Variants in TNFRSF19 observed in about 807,000 individuals in gnomAD.
TNFRSF19 encodes TNF receptor superfamily member 19, also known as tumor necrosis factor receptor superfamily member 19.
Under a neutral mutation model 46.4 loss-of-function variants are expected in TNFRSF19, and 27 were observed. The observed-to-expected ratio is 0.58, with a 90% CI of 0.43 to 0.80. TNFRSF19 has a LOEUF of 0.80. Among genes scored for constraint, TNFRSF19 ranks in the 30% least tolerant of loss-of-function variants. The pLI is 0.00. For synonymous variants in TNFRSF19, 204 were observed against 205.0 expected (o/e 1.00, Z 0.04); for missense variants, 511 against 530.8 (o/e 0.96, Z 0.37).
At chr13:23,619,311 G>A (rs984408702) in intron 4 of TNFRSF19, among the ~76,000 whole-genome samples, 16 of 152,204 alleles carry the variant, frequency 1.1e-4, no homozygotes, top group African/African-American at 3.9e-4. Flanking sequence ...CTATTGAAAT[G>A]TCCAGAATGG....
intron 5 of TNFRSF19, among the ~76,000 whole-genome samples, chr13:23,643,408 T>G (rs1406186929): frequency 1.3e-5 from 2 of 152,232 alleles, no homozygotes; most frequent in Non-Finnish European, 2.9e-5. Context: ...AGAAACCATT[T>G]TGGAACATTA....
intron 3 of TNFRSF19, among the ~76,000 whole-genome samples, chr13:23,607,396 G>T (rs528024294): frequency 6.6e-6 from 1 of 152,096 alleles, no homozygotes; most frequent in Non-Finnish European, 1.5e-5. Context: ...TTGCACCACC[G>T]CACTCAAGTC....
intron 1 of TNFRSF19, among the ~76,000 whole-genome samples, chr13:23,577,145 A>G (rs1269062351): frequency 6.6e-6 from 1 of 152,250 alleles, no homozygotes; most frequent in Non-Finnish European, 1.5e-5. Flanking sequence ...AAAGTCATGC[A>G]ACTACTGAAT....
intron 5 of TNFRSF19, among the ~76,000 whole-genome samples, chr13:23,629,233 G>C (rs9553021): frequency 0.27 from 40,642 of 152,044 alleles, 5,955 homozygotes; most frequent in South Asian, 0.39. Context: ...TTGTTTCAAG[G>C]ACATGCCTGG....
At chr13:23,637,763 G>C (rs1056951130) in intron 5 of TNFRSF19, among the ~76,000 whole-genome samples, 1 of 152,262 alleles carries the variant, frequency 6.6e-6, no homozygotes, top group Admixed American at 6.5e-5. Flanking sequence ...AGGTAAATAA[G>C]AGTTATCCAC....
chr13:23,608,947 C>T (rs755876966), intron 3 of TNFRSF19, among the ~76,000 whole-genome samples: 10 of 152,204 alleles, frequency 6.6e-5, no homozygotes, highest in Non-Finnish European at 1.3e-4. Context: ...CATCTGTTTC[C>T]GGTCCTCCAT....
chr13:23,663,113 T>G (rs1260471665), intron 7 of TNFRSF19, among the ~76,000 whole-genome samples: 1 of 152,248 alleles, frequency 6.6e-6, no homozygotes, highest in Non-Finnish European at 1.5e-5. Context: ...AGGGGAATGC[T>G]TCCAGCTTTT....
At chr13:23,620,581 C>G (rs531733504) in intron 4 of TNFRSF19, among the ~76,000 whole-genome samples, 26 of 152,314 alleles carry the variant, frequency 1.7e-4, no homozygotes, top group African/African-American at 6.3e-4. Flanking sequence ...AAGAATCCAC[C>G]CTGCAGAATT....
Position 23,659,088 on chromosome 13 carries a change from G to C in TNFRSF19, c.484G>C (p.Ala162Pro), listed in dbSNP as rs759967805. Residue 162 changes from alanine to proline, a missense_variant, in exon 6 of 10, where the codon GCC (alanine) becomes CCC (proline). By Grantham distance (27) the Ala-to-Pro change is conservative. This residue lies in a region of TNFRSF19 where 376 missense variants were observed against 372.7 expected (regional missense o/e 1.01). Transcript: ENST00000248484. This position sits in a 1 kb window ranked among gnomAD's most constrained non-coding sequence, Gnocchi z 4.9. ...CAACCTCGTGAAGATCGCGTCCACG[G>C]CCTCCAGCCCACGGGACACGGCGCT... is the stretch of plus-strand genomic sequence containing the variant. ...KVNLVKIAST[A>P]SSPRDTALAA... 6.2e-7 allele frequency: 1 copy of C among 1,613,946 alleles called. No homozygotes were observed. The highest frequency in any genetic ancestry group is 8.5e-7 in the Non-Finnish European group (1 of 1,180,042).
intron 9 of TNFRSF19, among the ~76,000 whole-genome samples, chr13:23,670,953 T>C (rs1257171579): frequency 2.0e-5 from 3 of 152,192 alleles, no homozygotes; most frequent in Non-Finnish European, 4.4e-5. Flanking sequence ...CACCTTAATT[T>C]TGTAGCTTGT....
chr13:23,637,075 C>T (rs1026869820), intron 5 of TNFRSF19, among the ~76,000 whole-genome samples: 2 of 151,734 alleles, frequency 1.3e-5, no homozygotes, highest in African/African-American at 4.8e-5. Context: ...AAGTGAAACA[C>T]GTATTTGAAA....
At chr13:23,641,991 T>G (rs547466569) in intron 5 of TNFRSF19, among the ~76,000 whole-genome samples, 4 of 152,364 alleles carry the variant, frequency 2.6e-5, no homozygotes, top group Non-Finnish European at 5.9e-5. Flanking sequence ...ATATCCCATG[T>G]AACTTACTGA....
At chr13:23,581,433 A>C (rs1472283067) in intron 1 of TNFRSF19, among the ~76,000 whole-genome samples, 1 of 151,304 alleles carries the variant, frequency 6.6e-6, no homozygotes, top group Non-Finnish European at 1.5e-5. Flanking sequence ...GGCCTGAGCC[A>C]CCGCGCCCGG....
At chr13:23,574,510 T>A (rs559582541) in intron 1 of TNFRSF19, among the ~76,000 whole-genome samples, 3 of 152,258 alleles carry the variant, frequency 2.0e-5, no homozygotes, top group East Asian at 1.9e-4. Flanking sequence ...TAGACATTTT[T>A]AATAGTATTT....
intron 7 of TNFRSF19, among the ~76,000 whole-genome samples, chr13:23,661,212 G>A (rs918215390): frequency 1.3e-5 from 2 of 152,124 alleles, no homozygotes; most frequent in Admixed American, 6.5e-5. Context: ...CCCTCAAGTA[G>A]ACCCCATTGT....
At chr13:23,574,905 C>A (rs539089702) in intron 1 of TNFRSF19, among the ~76,000 whole-genome samples, 2 of 152,222 alleles carry the variant, frequency 1.3e-5, no homozygotes, top group African/African-American at 4.8e-5. Context: ...AGTTTAAAAC[C>A]CTCCTTTGTG....
At position 23,663,558 on chromosome 13, in the gene TNFRSF19, T is replaced by G. The variant is rs1421284859; in HGVS notation, c.736+3068T>G. Among the ~76,000 whole-genome samples the G allele has an allele frequency of 2.0e-5, 3 of 152,098 alleles. No individual in the cohort carries two copies. The East Asian group carries it at 5.8e-4, about 29-fold the overall frequency. ...AATGAGTTAGGAAGGAGTCCCTCAT[T>G]TTTTTGGAATAGTTTCAGTGGGAAT... On this transcript the variant is annotated intron_variant, in intron 7 of 9. Transcript: ENST00000248484.
intron 5 of TNFRSF19, among the ~76,000 whole-genome samples, chr13:23,643,210 A>T (rs966251929): frequency 6.6e-6 from 1 of 152,246 alleles, no homozygotes; most frequent in Non-Finnish European, 1.5e-5. Context: ...AGCATCTAAG[A>T]ACTGATAGAG....
At chr13:23,666,163 T>G (rs1951629134) in intron 7 of TNFRSF19, among the ~76,000 whole-genome samples, 2 of 152,186 alleles carry the variant, frequency 1.3e-5, no homozygotes, top group African/African-American at 4.8e-5. Flanking sequence ...TAAGGGGGTG[T>G]CTGCCAGGTT....
Sources: allele counts gnomAD v4.1 joint callset (sites outside exome capture counted in the v4.1 genomes callset), GRCh38; gene constraint gnomAD v4.1.1; regional missense constraint gnomAD v4.1.1; non-coding constraint Gnocchi (gnomAD v3.1); transcripts MANE v1.5; gene names NCBI Gene and HGNC (gene_info 2026-07-23, HGNC 2026-07-21).